The following HEATR5A variants were observed in gnomAD, a reference collection of about 807,000 sequenced individuals.
HEATR5A encodes HEAT repeat-containing protein 5A.
A neutral mutation model predicts 218.8 loss-of-function variants in HEATR5A; 178 were observed. The ratio of observed to expected loss-of-function variants is 0.81; its 90% CI spans 0.72 to 0.92. HEATR5A has a LOEUF of 0.92. Among genes scored for constraint, HEATR5A ranks in the 40% least tolerant of loss-of-function variants. HEATR5A has a pLI of 0.00. For missense variants in HEATR5A, 2,420 were observed against 2,418.9 expected, an observed-to-expected ratio of 1.00 and a Z score of -0.01; for synonymous variants, 864 against 871.6, an observed-to-expected ratio of 0.99 and a Z score of 0.15.
chr14:31,336,244 ATATATAT>A (rs1900661747), intron 22 of HEATR5A, among the ~76,000 whole-genome samples: 1 of 117,776 alleles, frequency 8.5e-6, no homozygotes, highest in African/African-American at 4.5e-5. Context: ...ATATATATAT[ATATATAT>A]ATATATATAT....
Position 31,358,537 on chromosome 14 carries a change from T to C in HEATR5A, c.2411+100A>G, listed in dbSNP as rs1340340331. 4 of 1,059,276 alleles carry C rather than the reference T, an allele frequency of 3.8e-6. No individual in the cohort carries two copies. The East Asian group carries it at 9.6e-5, about 25-fold the overall frequency. The allele number at this position is 1,059,276 out of a possible 1,614,324, so 65.6% of individuals were successfully genotyped here. On this transcript the variant is annotated intron_variant, in intron 16 of 35. Transcript: ENST00000543095. The stretch of plus-strand genomic sequence containing the variant: ...AAACTTATATTTCACCTTCACCTGT[T>C]ATTTATAAGAAATCATTTACGCTAA...
chr14:31,333,171 A>C (rs754350960), intron 22 of HEATR5A, among the ~76,000 whole-genome samples: 1 of 152,202 alleles, frequency 6.6e-6, no homozygotes, highest in Non-Finnish European at 1.5e-5. Context: ...AAAATGCAAG[A>C]TAAAGCAGCA....
At chr14:31,307,809 T>C in intron 30 of HEATR5A, 84 bp downstream of exon 30, 1 of 1,474,610 alleles carries the variant, frequency 6.8e-7, no homozygotes. Context: ...GTGTGTTTAC[T>C]TTCTGTTAAC....
chr14:31,296,089 C>G (rs764258317), intron 33 of HEATR5A, 26 bp from the exon 34 acceptor site: 5 of 1,602,572 alleles, frequency 3.1e-6, no homozygotes, highest in Non-Finnish European at 4.3e-6. Flanking sequence ...CTATTAGAAA[C>G]AGTTCATATT....
intron 1 of HEATR5A, among the ~76,000 whole-genome samples, chr14:31,410,208 C>A (rs971272906): frequency 6.6e-6 from 1 of 152,156 alleles, no homozygotes; most frequent in African/African-American, 2.4e-5. Context: ...TTTTCTTTGA[C>A]TTTTACTTCT....
intron 11 of HEATR5A, among the ~76,000 whole-genome samples, chr14:31,378,041 TC>T (rs1902294697): frequency 6.6e-6 from 1 of 152,158 alleles, no homozygotes; most frequent in South Asian, 2.1e-4. Context: ...GTAGTTTATT[TC>T]CTCCTTAATT....
At position 31,386,552 on chromosome 14, in the gene HEATR5A, A is replaced by G; in HGVS notation, c.1213T>C (p.Leu405=). ...TCTGTGGAACCAAGCCGGGTTTCCAAATTACCATCACTCATTACGGCATCT... is the reference window on the plus strand; with the variant it reads ...TCTGTGGAACCAAGCCGGGTTTCCAGATTACCATCACTCATTACGGCATCT... ...VMDAVMSDGN[L]ETRLGSTDVA... Residue 405 remains leucine (L), a synonymous_variant, in exon 9 of 36, where the codon TTG becomes CTG. Transcript: ENST00000543095. The G allele has an allele frequency of 6.3e-7, 1 of 1,599,498 alleles. No individual in the cohort carries two copies. The highest frequency in any genetic ancestry group is 8.5e-7 in the Non-Finnish European group (1 of 1,174,238).
intron 14 of HEATR5A, among the ~76,000 whole-genome samples, chr14:31,363,745 C>T (rs900944066): frequency 1.3e-5 from 2 of 152,142 alleles, no homozygotes; most frequent in African/African-American, 4.8e-5. Context: ...CTTTGGGAGG[C>T]CAAGGCAGGA....
intron 28 of HEATR5A, 67 bp downstream of exon 28, chr14:31,312,901 C>CAA: frequency 7.7e-7 from 1 of 1,293,642 alleles, no homozygotes; most frequent in Non-Finnish European, 1.1e-6. Context: ...CTGTCAAAAA[C>CAA]AAAAAAAAAG....
intron 1 of HEATR5A, among the ~76,000 whole-genome samples, chr14:31,417,502 G>A (rs1292217975): frequency 6.6e-6 from 1 of 151,012 alleles, no homozygotes; most frequent in Admixed American, 6.6e-5. Flanking sequence ...GGAGAATGGC[G>A]TGAACCCGGG....
At position 31,394,061 on chromosome 14, in the gene HEATR5A, GAT is replaced by G; in HGVS notation, c.761_762del (p.His254ProfsTer49). Reference sequence around the variant, plus strand: ...AATTACATGTATTTACCTGTTCCTGGATGTTTAGAAATTACAGCTTTAGCTAA... The same window carrying G: ...AATTACATGTATTTACCTGTTCCTGGGTTTAGAAATTACAGCTTTAGCTAA... ...IILAKAVISK[H>X]PGTAASRQSI... is the part of the protein sequence containing the mutation. On this transcript the variant is annotated frameshift_variant, in exon 6 of 36. Coordinates refer to ENST00000543095, the MANE Select transcript of HEATR5A (RefSeq NM_015473.4). LOFTEE classifies it high-confidence loss of function. The G allele has an allele frequency of 1.3e-6, 2 of 1,517,894 alleles. No homozygotes were observed. The highest frequency in any genetic ancestry group is 1.8e-6 in the Non-Finnish European group (2 of 1,137,774). The allele number at this position is 1,517,894 out of a possible 1,614,324, so 94.0% of individuals were successfully genotyped here. A position where few individuals can be genotyped will look rare whatever the true frequency, so the allele number is the denominator to read the frequency against.
At chr14:31,314,715 G>A (rs557577294) in intron 27 of HEATR5A, among the ~76,000 whole-genome samples, 42 of 152,180 alleles carry the variant, frequency 2.8e-4, no homozygotes, top group African/African-American at 9.6e-4. Context: ...CCAGTTTATT[G>A]AATCTAGGCA....
Position 31,398,663 on chromosome 14 carries a change from A to C in HEATR5A, c.447+10T>G, listed in dbSNP as rs1474576692. ...CTTTTCATTCTTTGGCTGAACTTGT[A>C]ATTACTTACCTCTGCACTCTTCATA... On this transcript the variant is annotated intron_variant, in intron 4 of 35. Transcript: ENST00000543095. 5 of 1,380,582 alleles carry C rather than the reference A, an allele frequency of 3.6e-6. No homozygotes were observed. The African/African-American group carries it at 7.2e-5, about 20-fold the overall frequency. 85.5% of individuals were successfully genotyped at this position (1,380,582 alleles called of 1,614,324 possible). A position where few individuals can be genotyped will look rare whatever the true frequency, so the allele number is the denominator to read the frequency against.
chr14:31,328,992 A>G (rs909266437), intron 22 of HEATR5A, among the ~76,000 whole-genome samples: 6 of 152,084 alleles, frequency 3.9e-5, no homozygotes, highest in Non-Finnish European at 7.3e-5. Flanking sequence ...CATGTCTTAC[A>G]TGGCAGCAAG....
chr14:31,333,704 C>T (rs769737194), intron 22 of HEATR5A, among the ~76,000 whole-genome samples: 4 of 152,090 alleles, frequency 2.6e-5, no homozygotes, highest in Non-Finnish European at 4.4e-5. Context: ...CCAGTGTTCA[C>T]TGACCATTCC....
At chr14:31,369,273 G>A (rs557099626) in intron 13 of HEATR5A, among the ~76,000 whole-genome samples, 93 of 152,000 alleles carry the variant, frequency 6.1e-4, no homozygotes, top group South Asian at 1.2e-3. Context: ...CCATGTTCAC[G>A]CCACTGCACT....
In HEATR5A at chr14:31,299,214, C is replaced by A. The variant is rs570336522; in HGVS notation, c.5464+3081G>T. 2.0e-5 allele frequency among the ~76,000 whole-genome samples: 3 copies of A among 152,280 alleles called. 1 individual carries two copies. In the South Asian group the frequency reaches 6.2e-4, roughly 32 times the overall value. ...CTTGGTTATTTCTGTTAATCACATT[C>A]GAGTGTTCAAGTCATCCTACGCTTT... On this transcript the variant is annotated intron_variant, in intron 33 of 35. Transcript: ENST00000543095.
chr14:31,314,203 C>T (rs1309273857), intron 27 of HEATR5A, among the ~76,000 whole-genome samples: 4 of 152,134 alleles, frequency 2.6e-5, no homozygotes, highest in African/African-American at 9.7e-5. Flanking sequence ...CCGCCTCAGC[C>T]TCCCAAAGTG....
chr14:31,345,629 C>T (rs1235916175), intron 19 of HEATR5A, among the ~76,000 whole-genome samples: 12 of 152,162 alleles, frequency 7.9e-5, no homozygotes, highest in Non-Finnish European at 1.6e-4. Flanking sequence ...ATGGACAAAT[C>T]TCTTGAACAT....
Sources: allele counts gnomAD v4.1 joint callset (sites outside exome capture counted in the v4.1 genomes callset), GRCh38; gene constraint gnomAD v4.1.1; transcripts MANE v1.5; gene names NCBI Gene and HGNC (gene_info 2026-07-23, HGNC 2026-07-21).